PTGR3: variants seen among roughly 807,000 people sequenced by gnomAD.
PTGR3 encodes zinc binding alcohol dehydrogenase domain containing 2.
the PTGR3 span, chr18:75,196,822 A>G: frequency 1.3e-5 from 2 of 152,026 alleles, no homozygotes; most frequent in African/African-American, 4.8e-5. Flanking sequence ...CAGGTCTATA[A>G]TGGGCAAGAA....
chr18:75,204,253 AC>A, the PTGR3 span, among the ~76,000 whole-genome samples: 4 of 151,178 alleles, frequency 2.6e-5, no homozygotes, highest in East Asian at 3.9e-4. Context: ...GGAAAATGCA[AC>A]CCCCCCTCTC....
At chr18:75,199,284 A>C in the PTGR3 span, 1 of 152,644 alleles carries the variant, frequency 6.6e-6, no homozygotes, top group Non-Finnish European at 1.5e-5. Flanking sequence ...CCTCCCATTA[A>C]AATGAAACAA....
chr18:75,202,151 T>C, the PTGR3 span: 3 of 1,614,008 alleles, frequency 1.9e-6, no homozygotes, highest in Middle Eastern at 1.6e-4. Flanking sequence ...CAGGCACAAC[T>C]GTGTACTCAG....
At chr18:75,202,319 A>G in the PTGR3 span, 1 of 1,611,966 alleles carries the variant, frequency 6.2e-7, no homozygotes, top group East Asian at 2.2e-5. Flanking sequence ...AGTTGATGTC[A>G]GATGCGTTAA....
chr18:75,202,887 G>C, the PTGR3 span, among the ~76,000 whole-genome samples: 19 of 152,184 alleles, frequency 1.2e-4, no homozygotes, highest in Non-Finnish European at 2.2e-4. Context: ...TATTATTAAA[G>C]ATTGATGGAA....
chr18:75,198,886 A>C, the PTGR3 span: 1 of 152,598 alleles, frequency 6.6e-6, no homozygotes. Flanking sequence ...AGGTGTTGAG[A>C]CCATCGTACC....
At chr18:75,204,766 G>C in the PTGR3 span, among the ~76,000 whole-genome samples, 1 of 152,092 alleles carries the variant, frequency 6.6e-6, no homozygotes, top group African/African-American at 2.4e-5. Context: ...CTCCGGGTCG[G>C]GCGGGGGCCC....
the PTGR3 span, chr18:75,199,734 TTCA>T: frequency 6.6e-6 from 1 of 152,646 alleles, no homozygotes; most frequent in Non-Finnish European, 1.5e-5. Flanking sequence ...GCTACCCTTC[TTCA>T]TAACTCAAAA....
the PTGR3 span, chr18:75,205,051 C>G: frequency 1.4e-6 from 1 of 690,274 alleles, no homozygotes. Flanking sequence ...GCTCGGGTGG[C>G]TCCTCGCGCC....
chr18:75,200,707 C>T, the PTGR3 span: 2 of 152,132 alleles, frequency 1.3e-5, no homozygotes, highest in Non-Finnish European at 2.9e-5. Flanking sequence ...TACTTTCTGT[C>T]TATGTAAGTT....
At chr18:75,208,180 AG>A in the PTGR3 span, among the ~76,000 whole-genome samples, 1 of 152,218 alleles carries the variant, frequency 6.6e-6, no homozygotes, top group African/African-American at 2.4e-5. Flanking sequence ...GTGCCGGCAA[AG>A]GCAGCCATGC....
the PTGR3 span, among the ~76,000 whole-genome samples, chr18:75,202,592 T>A: frequency 6.6e-6 from 1 of 152,062 alleles, no homozygotes; most frequent in Non-Finnish European, 1.5e-5. Flanking sequence ...TTTCATATCA[T>A]TTTAAATGGC....
the PTGR3 span, chr18:75,209,067 C>T: frequency 1.3e-6 from 2 of 1,511,532 alleles, no homozygotes; most frequent in South Asian, 1.2e-5. This position sits in a 1 kb window ranked among gnomAD's most constrained non-coding sequence, Gnocchi z 4.7. Context: ...ATGGCCTGCG[C>T]CTCCGCCCGC....
the PTGR3 span, chr18:75,199,601 G>C: frequency 6.6e-6 from 1 of 152,460 alleles, no homozygotes; most frequent in African/African-American, 2.4e-5. Context: ...CCGTGTGGCT[G>C]TGGCTGTTAG....
the PTGR3 span, among the ~76,000 whole-genome samples, chr18:75,203,418 C>T: frequency 2.6e-5 from 4 of 152,312 alleles, no homozygotes; most frequent in South Asian, 6.2e-4. Context: ...AAGGAATTCA[C>T]TTTTAATTTA....
chr18:75,203,891 C>A, the PTGR3 span, among the ~76,000 whole-genome samples: 2 of 152,178 alleles, frequency 1.3e-5, no homozygotes, highest in Non-Finnish European at 2.9e-5. Context: ...AGCAGCAGCC[C>A]AGGGCAGAGC....
chr18:75,201,625 G>T, the PTGR3 span: 2 of 1,614,176 alleles, frequency 1.2e-6, no homozygotes, highest in Admixed American at 3.3e-5. Context: ...TACTTAGAAA[G>T]GTAATGGTTC....
chr18:75,201,556 C>T, the PTGR3 span: 1 of 1,614,186 alleles, frequency 6.2e-7, no homozygotes, highest in Non-Finnish European at 8.5e-7. Context: ...CCAAGGTCCA[C>T]CTCACAAACC....
At chr18:75,204,357 G>T in the PTGR3 span, among the ~76,000 whole-genome samples, 1 of 152,238 alleles carries the variant, frequency 6.6e-6, no homozygotes, top group African/African-American at 2.4e-5. Flanking sequence ...GCGCACACGC[G>T]CTGGACCGGG....
Sources: gnomAD v4.1 joint callset for allele counts (sites outside exome capture counted in the v4.1 genomes callset) on GRCh38, gnomAD v4.1.1 for gene constraint, Gnocchi (gnomAD v3.1) non-coding constraint, MANE v1.5 for transcripts, NCBI Gene and HGNC (gene_info 2026-07-23, HGNC 2026-07-21) for gene names.